The following FGF12 variants were observed in gnomAD, a reference collection of about 807,000 sequenced individuals.
FGF12 encodes the protein fibroblast growth factor 12, also known as fibroblast growth factor 12B.
In FGF12, 14 loss-of-function variants were observed where a neutral mutation model predicts 23.6. The observed-to-expected ratio is 0.59, with a 90% CI of 0.39 to 0.93. The LOEUF (loss-of-function observed/expected upper bound fraction) is 0.93. Ranked by LOEUF, FGF12 falls within the 40% of genes least tolerant of loss-of-function variation. FGF12 has a pLI of 0.00. For missense variants in FGF12, 175 were observed against 217.8 expected (o/e 0.80, Z 1.24); for synonymous variants, 62 against 77.3 (o/e 0.80, Z 1.04).
At chr3:192,663,737 G>A (rs1486285953) in intron 2 of FGF12, among the ~76,000 whole-genome samples, 1 of 151,450 alleles carries the variant, frequency 6.6e-6, no homozygotes, top group African/African-American at 2.4e-5. Flanking sequence ...TCTCAGAACG[G>A]TTTCCTTCCA....
At chr3:192,495,480 G>A (rs2108829127) in intron 2 of FGF12, among the ~76,000 whole-genome samples, 1 of 152,194 alleles carries the variant, frequency 6.6e-6, no homozygotes, top group South Asian at 2.1e-4. Context: ...ATATATGTGT[G>A]TGTAAGTCTT....
intron 2 of FGF12, among the ~76,000 whole-genome samples, chr3:192,434,755 G>A (rs1426671823): frequency 2.0e-5 from 3 of 152,126 alleles, no homozygotes; most frequent in South Asian, 2.1e-4. Context: ...TGACTCTGTC[G>A]TGGTTGCAAA....
intron 3 of FGF12, among the ~76,000 whole-genome samples, chr3:192,338,013 T>TA (rs1262912493): frequency 6.6e-6 from 1 of 152,198 alleles, no homozygotes; most frequent in Non-Finnish European, 1.5e-5. Context: ...ATGATTACCT[T>TA]AATTTATAGA....
At chr3:192,377,542 G>A (rs994785752) in intron 2 of FGF12, among the ~76,000 whole-genome samples, 7 of 152,164 alleles carry the variant, frequency 4.6e-5, no homozygotes, top group Admixed American at 3.3e-4. Flanking sequence ...TTATTTTAGC[G>A]TCAATGTTTA....
At chr3:192,329,919 CCTT>C (rs781311502) in intron 4 of FGF12, among the ~76,000 whole-genome samples, 14 of 152,068 alleles carry the variant, frequency 9.2e-5, no homozygotes, top group African/African-American at 1.9e-4. Context: ...ACATGCTTAA[CCTT>C]CTTTTGTTTG....
intron 4 of FGF12, among the ~76,000 whole-genome samples, chr3:192,326,552 T>C (rs1181734426): frequency 6.6e-6 from 1 of 152,154 alleles, no homozygotes; most frequent in Non-Finnish European, 1.5e-5. Context: ...CTTAACATTG[T>C]CTGCTTGCAC....
intron 2 of FGF12, among the ~76,000 whole-genome samples, chr3:192,657,766 C>A (rs946061365): frequency 2.6e-5 from 4 of 152,128 alleles, no homozygotes; most frequent in Non-Finnish European, 5.9e-5. Flanking sequence ...ACACTTAAAC[C>A]CAAATTTATC....
chr3:192,317,900 C>T (rs1716314230), intron 4 of FGF12, among the ~76,000 whole-genome samples: 1 of 152,108 alleles, frequency 6.6e-6, no homozygotes, highest in Admixed American at 6.5e-5. Flanking sequence ...AGAGAGACTG[C>T]ATTTGCTTGG....
intron 3 of FGF12, among the ~76,000 whole-genome samples, chr3:192,355,713 A>T (rs757219160): frequency 3.2e-4 from 48 of 152,156 alleles, no homozygotes; most frequent in Non-Finnish European, 6.3e-4. Flanking sequence ...TGTGGGTGTA[A>T]TTCTATGGCT....
chr3:192,413,846 C>T (rs1721268894), intron 2 of FGF12, among the ~76,000 whole-genome samples: 1 of 152,164 alleles, frequency 6.6e-6, no homozygotes, highest in Admixed American at 6.5e-5. Flanking sequence ...TGGAAGAAGA[C>T]CTTTTCTCCA....
chr3:192,203,879 T>C (rs1717508671), intron 4 of FGF12, among the ~76,000 whole-genome samples: 1 of 152,144 alleles, frequency 6.6e-6, no homozygotes, highest in Admixed American at 6.6e-5. Flanking sequence ...GCTAGAATTA[T>C]AGGCATGCAT....
chr3:192,662,841 G>T (rs6784363), intron 2 of FGF12, among the ~76,000 whole-genome samples: 91,319 of 151,992 alleles, frequency 0.6, 27,815 homozygotes, highest in Middle Eastern at 0.67. Context: ...AATAATGATC[G>T]CAACAAATGC....
chr3:192,701,554 A>G (rs567975372), intron 2 of FGF12, among the ~76,000 whole-genome samples: 1 of 152,200 alleles, frequency 6.6e-6, no homozygotes, highest in Non-Finnish European at 1.5e-5. Flanking sequence ...AACAGCAACC[A>G]AGAGAATTTT....
intron 2 of FGF12, among the ~76,000 whole-genome samples, chr3:192,656,049 A>C (rs13083854): frequency 6.0e-5 from 9 of 149,554 alleles, no homozygotes; most frequent in Non-Finnish European, 1.2e-4. Flanking sequence ...GCAAAAAAAA[A>C]AAAAAAAAAA....
rs189708238 is a variant in FGF12, at chr3:192,717,739, T to G, written c.13+9442A>C. 4.1e-3 allele frequency among the ~76,000 whole-genome samples: 621 copies of G among 152,372 alleles called. 7 individuals carry two copies. The highest frequency in any genetic ancestry group is 6.8e-3 in the Middle Eastern group (2 of 294). On this transcript the variant is annotated intron_variant, in intron 2 of 5. Transcript: ENST00000445105. ...CTACTATTTGCCAATGACCAAATTTTACATTATAATTAGTGCATATATCCA... is the reference window on the plus strand; with the variant it reads ...CTACTATTTGCCAATGACCAAATTTGACATTATAATTAGTGCATATATCCA...
chr3:192,540,247 T>C (rs2108576098), intron 2 of FGF12, among the ~76,000 whole-genome samples: 1 of 152,190 alleles, frequency 6.6e-6, no homozygotes, highest in African/African-American at 2.4e-5. Context: ...TTATTTGAAG[T>C]TTCTCTAATT....
At chr3:192,383,840 C>T (rs764700902) in intron 2 of FGF12, among the ~76,000 whole-genome samples, 1 of 152,054 alleles carries the variant, frequency 6.6e-6, no homozygotes, top group Non-Finnish European at 1.5e-5. Flanking sequence ...AAGTGGAAGT[C>T]GGATTTACAG....
intron 2 of FGF12, among the ~76,000 whole-genome samples, chr3:192,723,300 T>C (rs995043357): frequency 6.6e-6 from 1 of 152,024 alleles, no homozygotes; most frequent in Non-Finnish European, 1.5e-5. Flanking sequence ...TTTTGTTGTA[T>C]CCAAAAACAA....
At chr3:192,326,528 C>A (rs539151503) in intron 4 of FGF12, among the ~76,000 whole-genome samples, 2 of 152,224 alleles carry the variant, frequency 1.3e-5, no homozygotes, top group South Asian at 2.1e-4. Context: ...AAATCAGTAT[C>A]GTCATCTCAC....
Sources: allele counts gnomAD v4.1 joint callset (sites outside exome capture counted in the v4.1 genomes callset), GRCh38; gene constraint gnomAD v4.1.1; transcripts MANE v1.5; gene names NCBI Gene and HGNC (gene_info 2026-07-23, HGNC 2026-07-21).